Variants in LRP1B observed in about 807,000 individuals in gnomAD.
The protein encoded by LRP1B is low-density lipoprotein receptor-related protein 1B.
Under a neutral mutation model 556.6 loss-of-function variants are expected in LRP1B, and 217 were observed. The observed-to-expected ratio is 0.39, with a 90% confidence interval of 0.35 to 0.44. LRP1B has a LOEUF of 0.44. LRP1B is among the 20% of genes least tolerant of loss of function. LRP1B has a pLI of 1.00. For synonymous variants in LRP1B, 2,047 were observed against 1,865.8 expected, an observed-to-expected ratio of 1.10 and a Z score of -2.50; for missense variants, 5,053 against 5,620.8, an observed-to-expected ratio of 0.90 and a Z score of 3.23.
At chr2:140,406,949 A>C (rs1261048336) in intron 66 of LRP1B, among the ~76,000 whole-genome samples, 1 of 152,218 alleles carries the variant, frequency 6.6e-6, no homozygotes, top group African/African-American at 2.4e-5. Context: ...ATCATATTGC[A>C]AGGCTATGAT....
intron 20 of LRP1B, among the ~76,000 whole-genome samples, chr2:140,937,786 A>G (rs1044111297): frequency 1.3e-5 from 2 of 152,066 alleles, no homozygotes; most frequent in African/African-American, 4.8e-5. Context: ...ATAGATTAGA[A>G]GTCAAAATAT....
chr2:141,887,383 C>T (rs939908442), intron 1 of LRP1B, among the ~76,000 whole-genome samples: 1 of 152,112 alleles, frequency 6.6e-6, no homozygotes, highest in Non-Finnish European at 1.5e-5. Context: ...TTAGGAATGC[C>T]ATAATTTGTA....
intron 11 of LRP1B, among the ~76,000 whole-genome samples, chr2:141,027,317 A>T (rs1698243286): frequency 6.6e-6 from 1 of 152,116 alleles, no homozygotes; most frequent in South Asian, 2.1e-4. Context: ...TGCAAATGAA[A>T]ATATGAATAA....
At chr2:141,780,668 A>T (rs1394547428) in intron 2 of LRP1B, among the ~76,000 whole-genome samples, 2 of 152,128 alleles carry the variant, frequency 1.3e-5, no homozygotes, top group Non-Finnish European at 2.9e-5. Flanking sequence ...CACCTACTAC[A>T]TTCACCCTGG....
At chr2:140,669,838 C>T (rs1187354914) in intron 41 of LRP1B, among the ~76,000 whole-genome samples, 1 of 151,998 alleles carries the variant, frequency 6.6e-6, no homozygotes, top group Non-Finnish European at 1.5e-5. Flanking sequence ...ATTTCACTCA[C>T]ATAGTGATAA....
chr2:141,319,319 T>G (rs1164218720), intron 3 of LRP1B, among the ~76,000 whole-genome samples: 1 of 149,178 alleles, frequency 6.7e-6, no homozygotes, highest in African/African-American at 2.5e-5. Flanking sequence ...TGTTTTTTTT[T>G]TTTTTCCTAC....
intron 1 of LRP1B, among the ~76,000 whole-genome samples, chr2:141,894,730 T>C (rs565503540): frequency 1.3e-5 from 2 of 151,840 alleles, no homozygotes; most frequent in African/African-American, 2.4e-5. Context: ...ATAAACTTTA[T>C]AACCACCTAT....
rs528118233 is a variant in LRP1B at position 141,656,557 on chromosome 2, G to A, written c.205+153722C>T. Reference sequence around the variant, plus strand: ...TTCTATACCTGGTATTGATTTAAACGTTGCTAATTAAATGATAGTTTTATT... The same window carrying A: ...TTCTATACCTGGTATTGATTTAAACATTGCTAATTAAATGATAGTTTTATT... On this transcript the variant is annotated intron_variant, in intron 2 of 90. Transcript: ENST00000389484. Among the ~76,000 whole-genome samples, 10 of 152,112 alleles carry A rather than the reference G, an allele frequency of 6.6e-5. No individual in the cohort carries two copies. The South Asian group carries it at 1.5e-3, about 22-fold the overall frequency.
chr2:141,858,602 A>G (rs1188066548), intron 1 of LRP1B, among the ~76,000 whole-genome samples: 2 of 152,124 alleles, frequency 1.3e-5, no homozygotes, highest in African/African-American at 4.8e-5. Flanking sequence ...GATAAGGACT[A>G]TTACTGTTAT....
At chr2:142,048,118 C>T (rs1004837672) in intron 1 of LRP1B, among the ~76,000 whole-genome samples, 2 of 151,986 alleles carry the variant, frequency 1.3e-5, no homozygotes, top group Non-Finnish European at 2.9e-5. Flanking sequence ...CTAAGGTTTT[C>T]CAGATTTGCT....
intron 86 of LRP1B, among the ~76,000 whole-genome samples, chr2:140,264,050 C>T (rs916252695): frequency 3.3e-5 from 5 of 152,046 alleles, no homozygotes; most frequent in South Asian, 4.2e-4. Context: ...TCTCTTCTCA[C>T]GCCTCTCTTC....
intron 2 of LRP1B, among the ~76,000 whole-genome samples, chr2:141,595,290 T>C (rs1035358889): frequency 2.6e-5 from 4 of 152,082 alleles, no homozygotes; most frequent in Admixed American, 2.6e-4. Context: ...TGATGTGAAA[T>C]ATATTTCTTG....
At chr2:140,968,509 T>TTC in intron 18 of LRP1B, among the ~76,000 whole-genome samples, 1 of 97,218 alleles carries the variant, frequency 1.0e-5, no homozygotes, top group East Asian at 2.2e-4. Context: ...TGCAGTTTTT[T>TTC]TTTTTGTGTC....
chr2:140,329,433 TAGG>T (rs1680676050), intron 79 of LRP1B, among the ~76,000 whole-genome samples: 1 of 151,966 alleles, frequency 6.6e-6, no homozygotes, highest in Non-Finnish European at 1.5e-5. Context: ...TGTATTCAAA[TAGG>T]AGGAGAGAAA....
intron 41 of LRP1B, among the ~76,000 whole-genome samples, chr2:140,654,874 T>C (rs905099300): frequency 1.8e-4 from 28 of 152,320 alleles, no homozygotes; most frequent in Admixed American, 5.2e-4. Flanking sequence ...TAGTTTGTCA[T>C]GTGAAATACT....
intron 35 of LRP1B, among the ~76,000 whole-genome samples, chr2:140,718,194 G>A (rs1015524270): frequency 6.6e-6 from 1 of 151,870 alleles, no homozygotes; most frequent in Admixed American, 6.6e-5. Flanking sequence ...AATTCTCAAT[G>A]AAATATGCTT....
intron 7 of LRP1B, among the ~76,000 whole-genome samples, chr2:141,134,798 A>G (rs1701450080): frequency 6.6e-6 from 1 of 151,556 alleles, no homozygotes; most frequent in South Asian, 2.1e-4. Context: ...TCTGTGGTAC[A>G]TGATTTCATA....
chr2:140,581,221 T>TA (rs1162329052), intron 43 of LRP1B, among the ~76,000 whole-genome samples: 4 of 152,224 alleles, frequency 2.6e-5, no homozygotes, highest in Non-Finnish European at 4.4e-5. Flanking sequence ...TTAGACACTT[T>TA]AACGAAGGTA....
chr2:140,338,004 G>A (rs1681182163), intron 77 of LRP1B, among the ~76,000 whole-genome samples: 1 of 151,512 alleles, frequency 6.6e-6, no homozygotes, highest in Middle Eastern at 3.2e-3. Flanking sequence ...TTTTACTAAG[G>A]GTGAATTGTA....
Sources: allele counts gnomAD v4.1 joint callset (sites outside exome capture counted in the v4.1 genomes callset), GRCh38; gene constraint gnomAD v4.1.1; transcripts MANE v1.5; gene names NCBI Gene and HGNC (gene_info 2026-07-23, HGNC 2026-07-21).